Variants in GALK2 observed in about 807,000 individuals in gnomAD.
The protein encoded by GALK2 is galactokinase 2.
GALK2 carries 36 observed loss-of-function variants against 52.4 expected under a neutral mutation model. The ratio of observed to expected loss-of-function variants is 0.69; its 90% CI spans 0.53 to 0.91. GALK2 has a LOEUF of 0.91. Ranked by LOEUF, GALK2 falls within the 40% of genes least tolerant of loss-of-function variation. GALK2 has a pLI of 0.00. For missense variants in GALK2, 579 were observed against 559.1 expected (o/e 1.04, Z -0.36); for synonymous variants, 176 against 199.1 (o/e 0.88, Z 0.98).
At chr15:49,297,418 A>G (rs1466194675) in intron 8 of GALK2, among the ~76,000 whole-genome samples, 1 of 152,168 alleles carries the variant, frequency 6.6e-6, no homozygotes, top group African/African-American at 2.4e-5. Flanking sequence ...TTTGCTGTAC[A>G]GAAGCTCTTT....
downstream of GALK2, among the ~76,000 whole-genome samples, chr15:49,335,869 T>C (rs1156639487): frequency 6.6e-6 from 1 of 152,228 alleles, no homozygotes; most frequent in African/African-American, 2.4e-5. Context: ...TTATTCATTT[T>C]CGAGACAGGG....
chr15:49,281,901 A>T lies in GALK2; in HGVS notation c.505-86A>T, dbSNP rs547604860. The T allele has an allele frequency of 1.2e-5, 12 of 962,080 alleles. No individual in the cohort carries two copies. In the East Asian group the frequency reaches 3.0e-4, roughly 24 times the overall value. The allele number at this position is 962,080 out of a possible 1,614,324, so 59.6% of individuals were successfully genotyped here. A position where few individuals can be genotyped will look rare whatever the true frequency, so the allele number is the denominator to read the frequency against. ...TTGATCAGAGTTGGTGCTGGAATTC[A>T]AACCTGTTTGTCATGCCTGTAGTAA... On this transcript the variant is annotated intron_variant, in intron 5 of 9. Coordinates refer to ENST00000560031, the MANE Select transcript of GALK2 (RefSeq NM_002044.4).
intron 7 of GALK2, among the ~76,000 whole-genome samples, chr15:49,290,469 A>G (rs557096022): frequency 4.1e-4 from 63 of 152,236 alleles, no homozygotes; most frequent in Non-Finnish European, 7.2e-4. Flanking sequence ...CAATCTGCAG[A>G]AGAGCACATC....
At chr15:49,337,108 G>A (rs1041253732) in intron 3 of GALK2, among the ~76,000 whole-genome samples, 4 of 152,134 alleles carry the variant, frequency 2.6e-5, no homozygotes, top group African/African-American at 4.8e-5. Flanking sequence ...GGGGATCTAC[G>A]TTGATTCCAT....
intron 3 of GALK2, among the ~76,000 whole-genome samples, chr15:49,357,573 A>G (rs903914492): frequency 6.6e-6 from 1 of 151,478 alleles, no homozygotes; most frequent in Non-Finnish European, 1.5e-5. Flanking sequence ...CAATAACAGG[A>G]GCTGAAATTG....
At chr15:49,334,717 C>T (rs1463520733), downstream of GALK2, among the ~76,000 whole-genome samples, 4 of 152,092 alleles carry the variant, frequency 2.6e-5, 1 homozygote, top group African/African-American at 9.7e-5. Context: ...AACTGGTGGT[C>T]CTCCATTTAC....
In GALK2 at chr15:49,170,341, G is replaced by T; in HGVS notation, c.19G>T (p.Ala7Ser). The T allele has an allele frequency of 6.3e-7, 1 of 1,591,928 alleles. No individual in the cohort carries two copies. The part of the protein sequence containing the change: MATESP[A>S]TRRVQVAEHP... The stretch of plus-strand genomic sequence containing the variant: ...GCGAAATATGGCTACAGAGAGCCCT[G>T]CTACGCGTCGGGTCCAGGTGGCAGA... Residue 7 changes from alanine (A) to serine (S), a missense_variant, in exon 1 of 10, where the codon GCT (alanine) becomes TCT (serine). Physicochemically the swap from Ala to Ser is moderately conservative, Grantham distance 99. Coordinates refer to ENST00000560031, the MANE Select transcript of GALK2 (RefSeq NM_002044.4).
chr15:49,257,861 A>C (rs2091878951), intron 5 of GALK2, among the ~76,000 whole-genome samples: 1 of 151,074 alleles, frequency 6.6e-6, no homozygotes, highest in Non-Finnish European at 1.5e-5. Context: ...TAACTGTAAA[A>C]GCAATATATT....
chr15:49,237,991 A>G (rs1286763540), intron 4 of GALK2, among the ~76,000 whole-genome samples: 1 of 152,178 alleles, frequency 6.6e-6, no homozygotes, highest in Non-Finnish European at 1.5e-5. Context: ...ACACCCAGCT[A>G]AATTTCTTCT....
rs777124230 is a variant in GALK2 at position 49,361,064 on chromosome 15, C to T, written c.427-6427C>T. On this transcript the variant is annotated intron_variant, in intron 3 of 3. Transcript: ENST00000558399. ...GTTTTGGTTAAAGAGGACAAAGTTT[C>T]AGTTAGGAGGGATAAATGATAAGTA... 2.1e-4 allele frequency among the ~76,000 whole-genome samples: 32 copies of T among 152,042 alleles called. 1 individual carries two copies. Among genetic ancestry groups the T allele is most frequent in the Non-Finnish European group, 4.4e-4 (30 of 68,008 alleles).
intron 1 of GALK2, among the ~76,000 whole-genome samples, chr15:49,183,865 G>T (rs1279489584): frequency 6.6e-6 from 1 of 151,346 alleles, no homozygotes; most frequent in Admixed American, 6.6e-5. Flanking sequence ...AAAAAAAAAG[G>T]ACTAGTTTTG....
chr15:49,267,045 G>A (rs2092385764), intron 5 of GALK2, among the ~76,000 whole-genome samples: 1 of 152,070 alleles, frequency 6.6e-6, no homozygotes, highest in Admixed American at 6.6e-5. Context: ...CACGTAAAGG[G>A]GTAAAGGGTG....
At chr15:49,275,372 T>C (rs2031486240) in intron 5 of GALK2, among the ~76,000 whole-genome samples, 1 of 152,252 alleles carries the variant, frequency 6.6e-6, no homozygotes, top group Non-Finnish European at 1.5e-5. Flanking sequence ...CATTTTCTTT[T>C]GGAAGACTTG....
At chr15:49,242,817 A>T (rs2091164119) in intron 5 of GALK2, among the ~76,000 whole-genome samples, 1 of 152,346 alleles carries the variant, frequency 6.6e-6, no homozygotes, top group South Asian at 2.1e-4. Context: ...TGATTTCAGC[A>T]TGTCAGAATA....
chr15:49,300,868 T>A (rs2035053089), intron 8 of GALK2, among the ~76,000 whole-genome samples: 1 of 152,200 alleles, frequency 6.6e-6, no homozygotes, highest in Non-Finnish European at 1.5e-5. Context: ...GTCTCAGGTA[T>A]GTCCTTATTG....
chr15:49,320,455 A>ATTG (rs1488415104), intron 9 of GALK2, among the ~76,000 whole-genome samples: 1 of 152,258 alleles, frequency 6.6e-6, no homozygotes, highest in Non-Finnish European at 1.5e-5. Context: ...AAGAATGGAG[A>ATTG]TAACAGAGTT....
At chr15:49,195,878 G>A (rs1031238905) in intron 1 of GALK2, among the ~76,000 whole-genome samples, 27 of 151,968 alleles carry the variant, frequency 1.8e-4, no homozygotes, top group African/African-American at 6.5e-4. Context: ...GAGAGTTAAG[G>A]TCTAAAAGCT....
chr15:49,158,090 T>A (rs1566890839), intron 1 of GALK2, among the ~76,000 whole-genome samples: 1 of 152,102 alleles, frequency 6.6e-6, no homozygotes, highest in Non-Finnish European at 1.5e-5. Flanking sequence ...AGAACTTAGT[T>A]TTTCAAATCC....
intron 1 of GALK2, 82 bp from the exon 2 acceptor site, chr15:49,201,080 G>GTGTGTGTA: frequency 8.8e-6 from 6 of 680,172 alleles, no homozygotes; most frequent in African/African-American, 3.5e-5. Flanking sequence ...GTGTGTGTGT[G>GTGTGTGTA]TGTGTGTATG....
Sources: allele counts gnomAD v4.1 joint callset (sites outside exome capture counted in the v4.1 genomes callset), GRCh38; gene constraint gnomAD v4.1.1; transcripts MANE v1.5; gene names NCBI Gene and HGNC (gene_info 2026-07-23, HGNC 2026-07-21).